SLC7A14: variants seen among roughly 807,000 people sequenced by gnomAD.
The protein encoded by SLC7A14 is solute carrier family 7 member 14.
Under a neutral mutation model 60.2 loss-of-function variants are expected in SLC7A14, and 37 were observed. That is an observed-to-expected ratio of 0.61 (90% CI 0.47 to 0.81). SLC7A14 has a LOEUF of 0.81. SLC7A14 is among the 30% of genes least tolerant of loss of function. The probability of loss-of-function intolerance (pLI) is 0.00; values close to 1 mark genes in which losing one functional copy is unlikely to be tolerated. For synonymous variants in SLC7A14, 399 were observed against 395.8 expected, an observed-to-expected ratio of 1.01 and a Z score of -0.10; for missense variants, 886 against 982.7, an observed-to-expected ratio of 0.90 and a Z score of 1.32.
chr3:170,473,863 T>C (rs536644710), intron 7 of SLC7A14, among the ~76,000 whole-genome samples: 70 of 152,342 alleles, frequency 4.6e-4, no homozygotes, highest in African/African-American at 1.6e-3. Context: ...CAGTTTCTCA[T>C]CTGCAAAACG....
intron 2 of SLC7A14, among the ~76,000 whole-genome samples, chr3:170,524,963 T>C (rs568027240): frequency 1.3e-5 from 2 of 152,356 alleles, no homozygotes; most frequent in East Asian, 1.9e-4. Flanking sequence ...CAGCACACTT[T>C]CTGGTTGCAT....
At chr3:170,553,925 T>C (rs929120517) in intron 1 of SLC7A14, among the ~76,000 whole-genome samples, 1 of 152,086 alleles carries the variant, frequency 6.6e-6, no homozygotes, top group African/African-American at 2.4e-5. Context: ...ACACATTAAT[T>C]GGAAAAGTCT....
At chr3:170,505,073 A>T (rs1033930188) in intron 2 of SLC7A14, among the ~76,000 whole-genome samples, 1 of 152,122 alleles carries the variant, frequency 6.6e-6, no homozygotes, top group Non-Finnish European at 1.5e-5. Flanking sequence ...ACTTGAATTT[A>T]TCTCCATTTT....
rs543822725 is a variant in SLC7A14, at chr3:170,586,007, G to A, written c.-249C>T. 8.5e-5 allele frequency: 13 copies of A among 153,460 alleles called. No individual in the cohort carries two copies. In the South Asian group the frequency reaches 2.3e-3, roughly 27 times the overall value. 9.5% of individuals were successfully genotyped at this position (153,460 alleles called of 1,614,324 possible). ...GCTGTCTCTCTAGCTGGGATGGGAAGTGGTGGTGGCGGCAAAGGAAGGCAG... is the reference window on the plus strand; with the variant it reads ...GCTGTCTCTCTAGCTGGGATGGGAAATGGTGGTGGCGGCAAAGGAAGGCAG... On this transcript the variant is annotated 5_prime_UTR_variant, in exon 1 of 8. Transcript: ENST00000231706.
rs1452843585 is a variant in SLC7A14, at chr3:170,585,469, C to A, written c.-153+442G>T. ...TCCGTTTCATGGTCTCGGTCCGAGG[C>A]GGAGAACGGAGCTGCCCGTGCGGGG... is the stretch of plus-strand genomic sequence containing the variant. On this transcript the variant is annotated intron_variant, in intron 1 of 7. Transcript: ENST00000231706. This position sits in a 1 kb window ranked among gnomAD's most constrained non-coding sequence, Gnocchi z 5.1. 1.3e-5 allele frequency among the ~76,000 whole-genome samples: 2 copies of A among 152,224 alleles called. No individual in the cohort carries two copies. The highest frequency in any genetic ancestry group is 1.3e-4 in the Admixed American group (2 of 15,290).
chr3:170,580,145 C>T (rs1230433952), intron 1 of SLC7A14, among the ~76,000 whole-genome samples: 2 of 152,206 alleles, frequency 1.3e-5, no homozygotes, highest in African/African-American at 2.4e-5. Context: ...GGTCTGAATT[C>T]ACCAAATATT....
chr3:170,548,239 G>C (rs1714236375), intron 1 of SLC7A14, among the ~76,000 whole-genome samples: 1 of 152,276 alleles, frequency 6.6e-6, no homozygotes, highest in East Asian at 1.9e-4. Context: ...GAACAGATAA[G>C]CCAGGACTCT....
At chr3:170,512,157 G>C (rs1176843384) in intron 2 of SLC7A14, among the ~76,000 whole-genome samples, 1 of 152,220 alleles carries the variant, frequency 6.6e-6, no homozygotes, top group Admixed American at 6.5e-5. Context: ...AGAAGATTCT[G>C]TGGGGGATCA....
intron 1 of SLC7A14, among the ~76,000 whole-genome samples, chr3:170,576,517 C>T (rs145010168): frequency 6.6e-6 from 1 of 152,154 alleles, no homozygotes; most frequent in Admixed American, 6.5e-5. Context: ...TGATCTCTGA[C>T]CCCATTGTTT....
intron 1 of SLC7A14, among the ~76,000 whole-genome samples, chr3:170,531,880 T>C (rs1713689299): frequency 1.3e-5 from 2 of 152,126 alleles, no homozygotes; most frequent in Admixed American, 6.5e-5. Flanking sequence ...GCTCGAGGGT[T>C]CAGTGGGCTC....
intron 2 of SLC7A14, among the ~76,000 whole-genome samples, chr3:170,516,699 T>C (rs1239654930): frequency 6.6e-6 from 1 of 152,102 alleles, no homozygotes; most frequent in Non-Finnish European, 1.5e-5. Flanking sequence ...CCCAGGAGTT[T>C]GAGGCTGCAG....
At chr3:170,555,230 A>C (rs1350625631) in intron 1 of SLC7A14, among the ~76,000 whole-genome samples, 2 of 151,704 alleles carry the variant, frequency 1.3e-5, no homozygotes, top group Non-Finnish European at 2.9e-5. Flanking sequence ...AAAGTTATAC[A>C]TGCTCATTGT....
At chr3:170,540,604 A>G (rs1424261976) in intron 1 of SLC7A14, among the ~76,000 whole-genome samples, 1 of 152,110 alleles carries the variant, frequency 6.6e-6, no homozygotes, top group East Asian at 1.9e-4. Context: ...ATGGTGCTGC[A>G]CAGGCCCTCA....
At chr3:170,468,121 G>C (rs1270382192) in intron 7 of SLC7A14, among the ~76,000 whole-genome samples, 3 of 152,146 alleles carry the variant, frequency 2.0e-5, no homozygotes, top group Admixed American at 6.6e-5. Context: ...GAATGAATGG[G>C]TGAGAACTCC....
Position 170,576,521 on chromosome 3 carries a change from A to G in SLC7A14, c.-153+9390T>C, listed in dbSNP as rs1715094987. On this transcript the variant is annotated intron_variant, in intron 1 of 7. Coordinates refer to ENST00000231706, the MANE Select transcript of SLC7A14 (RefSeq NM_020949.3). ...TTTAAAACCACTGATCTCTGACCCC[A>G]TTGTTTTACTTATTGGTAAACTTAC... Among the ~76,000 whole-genome samples the G allele has an allele frequency of 2.0e-5, 3 of 152,300 alleles. No individual in the cohort carries two copies. The South Asian group carries it at 6.2e-4, about 32-fold the overall frequency.
rs1321664593 is a variant in SLC7A14, at chr3:170,461,030, T to G, written c.*6025A>C. 6 of 152,462 alleles carry G rather than the reference T, an allele frequency of 3.9e-5. No individual in the cohort carries two copies. Among genetic ancestry groups the G allele is most frequent in the Admixed American group, 3.9e-4 (6 of 15,276 alleles). 9.4% of individuals were successfully genotyped at this position (152,462 alleles called of 1,614,324 possible). On this transcript the variant is annotated 3_prime_UTR_variant, in exon 8 of 8. Transcript: ENST00000231706. ...CCCGGGTTCAAGCGATTCTCCTGCC[T>G]CAGCCTCCCTAATAGCTGGGATTAC...
intron 2 of SLC7A14, among the ~76,000 whole-genome samples, chr3:170,521,528 A>T (rs528095159): frequency 1.3e-5 from 2 of 152,382 alleles, no homozygotes; most frequent in East Asian, 3.9e-4. Context: ...CACAAACTGG[A>T]GAAAGTATTT....
chr3:170,556,701 T>C (rs559719447), intron 1 of SLC7A14, among the ~76,000 whole-genome samples: 1 of 152,356 alleles, frequency 6.6e-6, no homozygotes, highest in African/African-American at 2.4e-5. Flanking sequence ...TGTAAAAGCC[T>C]GTTTTCTACA....
intron 1 of SLC7A14, among the ~76,000 whole-genome samples, chr3:170,582,679 A>T (rs781736629): frequency 4.6e-5 from 7 of 152,234 alleles, no homozygotes; most frequent in Non-Finnish European, 1.0e-4. Flanking sequence ...AAGAAGCCAT[A>T]TGGGAATTTT....
Sources: gnomAD v4.1 joint callset for allele counts (sites outside exome capture counted in the v4.1 genomes callset) on GRCh38, gnomAD v4.1.1 for gene constraint, Gnocchi (gnomAD v3.1) non-coding constraint, MANE v1.5 for transcripts, NCBI Gene and HGNC (gene_info 2026-07-23, HGNC 2026-07-21) for gene names.